The following CNNM2 variants were observed in gnomAD, a reference collection of about 807,000 sequenced individuals.
The protein encoded by CNNM2 is metal transporter CNNM2.
Under a neutral mutation model 66.9 loss-of-function variants are expected in CNNM2, and 12 were observed. The ratio of observed to expected loss-of-function variants is 0.18; its 90% CI spans 0.11 to 0.29. The LOEUF is 0.29. CNNM2 is among the 10% of genes least tolerant of loss of function. The probability of loss-of-function intolerance (pLI) is 1.00; values close to 1 mark genes in which losing one functional copy is unlikely to be tolerated. For synonymous variants in CNNM2, 557 were observed against 501.8 expected, an observed-to-expected ratio of 1.11 and a Z score of -1.47; for missense variants, 705 against 1,167.7, an observed-to-expected ratio of 0.60 and a Z score of 5.77.
intron 1 of CNNM2, among the ~76,000 whole-genome samples, chr10:102,955,053 A>G (rs1316705455): frequency 6.6e-6 from 1 of 152,224 alleles, no homozygotes; most frequent in African/African-American, 2.4e-5. Flanking sequence ...GAACCAAAAA[A>G]GGGCCCGTGT....
intron 1 of CNNM2, among the ~76,000 whole-genome samples, chr10:102,990,402 G>A (rs901546647): frequency 1.3e-5 from 2 of 152,154 alleles, no homozygotes; most frequent in Admixed American, 6.6e-5. Flanking sequence ...GGGATTTTGC[G>A]TGGGAATAAA....
At chr10:103,028,284 C>T (rs1025242505) in intron 1 of CNNM2, among the ~76,000 whole-genome samples, 10 of 152,182 alleles carry the variant, frequency 6.6e-5, no homozygotes, top group African/African-American at 2.4e-4. Flanking sequence ...GCCATTCATT[C>T]GCTCATTTAT....
intron 1 of CNNM2, among the ~76,000 whole-genome samples, chr10:103,005,377 G>A (rs191419854): frequency 2.0e-4 from 31 of 152,132 alleles, no homozygotes; most frequent in African/African-American, 4.8e-4. Flanking sequence ...GGCCAGGTGC[G>A]GTGTCTCACA....
At position 103,085,328 on chromosome 10, in the gene CNNM2, A is replaced by G. The variant is rs1372597380; in HGVS notation, c.*8148A>G. 1 of 152,246 alleles carries G rather than the reference A, an allele frequency of 6.6e-6. No homozygotes were observed. The highest frequency in any genetic ancestry group is 2.4e-5 in the African/African-American group (1 of 41,470). 9.4% of individuals were successfully genotyped at this position (152,246 alleles called of 1,614,324 possible). A position where few individuals can be genotyped will look rare whatever the true frequency, so the allele number is the denominator to read the frequency against. On this transcript the variant is annotated 3_prime_UTR_variant, in exon 8 of 8. Coordinates refer to ENST00000369878, the MANE Select transcript of CNNM2 (RefSeq NM_017649.5). ...TAAAGATACCCACACACTCAAGTCA[A>G]AGATAACTCTGGTGAGAACACTCTC...
At chr10:102,980,496 C>G (rs1197924622) in intron 1 of CNNM2, among the ~76,000 whole-genome samples, 1 of 152,060 alleles carries the variant, frequency 6.6e-6, no homozygotes, top group African/African-American at 2.4e-5. Context: ...TCTCGAACTC[C>G]TGGGCTCAAG....
In CNNM2 at chr10:103,089,994, G is replaced by T; in HGVS notation, c.*12814G>T. 9.4e-7 allele frequency: 1 copy of T among 1,067,504 alleles called. No homozygotes were observed. The highest frequency in any genetic ancestry group is 1.3e-6 in the Non-Finnish European group (1 of 749,582). 66.1% of individuals were successfully genotyped at this position (1,067,504 alleles called of 1,614,324 possible). Reference sequence around the variant, plus strand: ...TCCTAACCCCTCTCCTCTGTTAGGTGGCCATGCAATTACATCTATAATGGA... The same window carrying T: ...TCCTAACCCCTCTCCTCTGTTAGGTTGCCATGCAATTACATCTATAATGGA... On this transcript the variant is annotated 3_prime_UTR_variant, in exon 8 of 8. Transcript: ENST00000369878.
intron 1 of CNNM2, among the ~76,000 whole-genome samples, chr10:103,034,393 G>A (rs573233227): frequency 2.0e-5 from 3 of 150,982 alleles, no homozygotes; most frequent in East Asian, 1.9e-4. Context: ...TTTAAAAACC[G>A]ACCTCATTCC....
chr10:103,058,260 G>A (rs577332647), intron 4 of CNNM2, among the ~76,000 whole-genome samples: 36 of 152,154 alleles, frequency 2.4e-4, no homozygotes, highest in African/African-American at 8.7e-4. Context: ...ATGTAAGCTT[G>A]TAACTCTGAG....
At chr10:103,012,796 A>G (rs1005459315) in intron 1 of CNNM2, among the ~76,000 whole-genome samples, 4 of 152,148 alleles carry the variant, frequency 2.6e-5, no homozygotes, top group African/African-American at 9.7e-5. Context: ...TTATAGTGAA[A>G]TATGGTTAAG....
intron 1 of CNNM2, among the ~76,000 whole-genome samples, chr10:102,960,587 A>G (rs940261985): frequency 4.6e-5 from 7 of 152,006 alleles, no homozygotes; most frequent in Non-Finnish European, 8.8e-5. Context: ...AATTTTTGTT[A>G]TGTCTTAAAT....
rs773837188 is a variant in CNNM2, at chr10:103,054,528, C to T, written c.1903+62C>T. 25 of 1,570,794 alleles carry T rather than the reference C, an allele frequency of 1.6e-5. No individual in the cohort carries two copies. Among genetic ancestry groups the T allele is most frequent in the East Asian group, 2.3e-5 (1 of 44,294 alleles). Reference sequence around the variant, plus strand: ...ACCCTGAAGCGTGTTTCTCACCCACCACTGACTGGGGTGGGTTGGGGGTGG... The same window carrying T: ...ACCCTGAAGCGTGTTTCTCACCCACTACTGACTGGGGTGGGTTGGGGGTGG... On this transcript the variant is annotated intron_variant, in intron 3 of 7. Transcript: ENST00000369878. This position sits in a 1 kb window ranked among gnomAD's most constrained non-coding sequence, Gnocchi z 5.2.
chr10:102,939,994 C>A (rs1326802520), intron 1 of CNNM2, among the ~76,000 whole-genome samples: 3 of 139,316 alleles, frequency 2.2e-5, no homozygotes, highest in Non-Finnish European at 4.8e-5. Flanking sequence ...ACAACAACAA[C>A]AACAACAAAA....
At chr10:102,974,358 T>C (rs1420233229) in intron 1 of CNNM2, among the ~76,000 whole-genome samples, 2 of 152,200 alleles carry the variant, frequency 1.3e-5, no homozygotes, top group Non-Finnish European at 1.5e-5. Context: ...GAAGTTTGAC[T>C]GGACGAATGT....
chr10:102,976,937 T>C (rs372247665), intron 1 of CNNM2, among the ~76,000 whole-genome samples: 1 of 152,300 alleles, frequency 6.6e-6, no homozygotes, highest in East Asian at 1.9e-4. Context: ...TTCCTTGTTT[T>C]GGCATTTCTG....
rs775877736 is a variant in CNNM2 at position 102,919,674 on chromosome 10, C to T, written c.1194C>T (p.Asp398=). Residue 398 remains aspartate, a synonymous_variant, in exon 1 of 8, where the codon GAC becomes GAT. Transcript: ENST00000369878. ...CCTACCCGGTCAGCAAGCTGCTGGA[C>T]TGCGTCCTGGGCCAGGAGATAGGCA... ...PASYPVSKLL[D]CVLGQEIGTV... is the part of the protein sequence containing the mutation. 1 of 1,614,124 alleles carries T rather than the reference C, an allele frequency of 6.2e-7. No individual in the cohort carries two copies. Among genetic ancestry groups the T allele is most frequent in the East Asian group, 2.2e-5 (1 of 44,906 alleles).
intron 6 of CNNM2, among the ~76,000 whole-genome samples, chr10:103,074,805 G>T (rs2134369691): frequency 6.6e-6 from 1 of 152,346 alleles, no homozygotes; most frequent in East Asian, 1.9e-4. Context: ...CTGCATTCCA[G>T]CCTGGGTGAT....
In CNNM2 at chr10:103,088,070, ATATC is replaced by A. The variant is rs1331419300; in HGVS notation, c.*10891_*10894del. 1.3e-5 allele frequency: 2 copies of A among 152,254 alleles called. No homozygotes were observed. Among genetic ancestry groups the A allele is most frequent in the Non-Finnish European group, 2.9e-5 (2 of 68,046 alleles). The allele number at this position is 152,254 out of a possible 1,614,324, so 9.4% of individuals were successfully genotyped here. A position where few individuals can be genotyped will look rare whatever the true frequency, so the allele number is the denominator to read the frequency against. ...TTGAATATTTATTTCCTTTAAGAGAATATCAAACTGATGTCACCAAATCTAAACC... is the reference window on the plus strand; with the variant it reads ...TTGAATATTTATTTCCTTTAAGAGAAAAACTGATGTCACCAAATCTAAACC... On this transcript the variant is annotated 3_prime_UTR_variant, in exon 8 of 8. Coordinates refer to ENST00000369878, the MANE Select transcript of CNNM2 (RefSeq NM_017649.5).
chr10:103,058,361 C>T (rs556217540), intron 4 of CNNM2, among the ~76,000 whole-genome samples: 1 of 152,186 alleles, frequency 6.6e-6, no homozygotes, highest in African/African-American at 2.4e-5. Context: ...TTCCTTAAGC[C>T]TGGAGAAACT....
intron 1 of CNNM2, among the ~76,000 whole-genome samples, chr10:102,953,958 G>T (rs940114840): frequency 6.6e-6 from 1 of 152,068 alleles, no homozygotes; most frequent in African/African-American, 2.4e-5. Flanking sequence ...TAAATTATTA[G>T]TTCCAATTTA....
Sources: gnomAD v4.1 joint callset for allele counts (sites outside exome capture counted in the v4.1 genomes callset) on GRCh38, gnomAD v4.1.1 for gene constraint, Gnocchi (gnomAD v3.1) non-coding constraint, MANE v1.5 for transcripts, NCBI Gene and HGNC (gene_info 2026-07-23, HGNC 2026-07-21) for gene names.